APP: variants seen among roughly 807,000 people sequenced by gnomAD.
The protein encoded by APP is amyloid beta precursor protein, also known as amyloid-beta precursor protein.
Under a neutral mutation model 101.4 loss-of-function variants are expected in APP, and 31 were observed. The ratio of observed to expected loss-of-function variants is 0.31; its 90% CI spans 0.23 to 0.41. APP has a LOEUF of 0.41. Among genes scored for constraint, APP ranks in the 10% least tolerant of loss-of-function variants. The pLI is 1.00. For synonymous variants in APP, 366 were observed against 364.4 expected (o/e 1.00, Z -0.05); for missense variants, 839 against 1,003.7 (o/e 0.84, Z 2.22).
intron 5 of APP, among the ~76,000 whole-genome samples, chr21:26,034,883 G>A (rs1269970602): frequency 2.6e-5 from 4 of 152,082 alleles, no homozygotes; most frequent in African/African-American, 7.2e-5. Flanking sequence ...TCTATGGGGG[G>A]AGAGAACGAC....
intron 6 of APP, among the ~76,000 whole-genome samples, chr21:26,008,161 T>C (rs1350192670): frequency 6.6e-6 from 1 of 152,216 alleles, no homozygotes; most frequent in African/African-American, 2.4e-5. Flanking sequence ...AGCCAATACA[T>C]CTGTCATTCT....
intron 5 of APP, among the ~76,000 whole-genome samples, chr21:26,038,276 A>C (rs2045212541): frequency 6.6e-6 from 1 of 152,166 alleles, no homozygotes; most frequent in Admixed American, 6.6e-5. Context: ...AGAAGTGCTT[A>C]AGGAGCCATT....
At position 25,961,983 on chromosome 21, in the gene APP, T is replaced by C. The variant is rs972557870; in HGVS notation, c.1459-6228A>G. Among the ~76,000 whole-genome samples, 5 of 152,322 alleles carry C rather than the reference T, an allele frequency of 3.3e-5. No individual in the cohort carries two copies. The East Asian group carries it at 9.6e-4, about 29-fold the overall frequency. On this transcript the variant is annotated intron_variant, in intron 11 of 17. Transcript: ENST00000346798. The stretch of plus-strand genomic sequence containing the variant: ...ATCTTCTGTTACTAGCAATAATTTT[T>C]CTGTGTATTAATACTACAGTCTGGT...
chr21:25,896,790 C>T (rs1043677174), intron 16 of APP, among the ~76,000 whole-genome samples: 7 of 152,118 alleles, frequency 4.6e-5, no homozygotes, highest in Non-Finnish European at 2.9e-5. Context: ...TCGGGAACAT[C>T]ATGGGGTCCT....
At chr21:26,059,080 C>CAA (rs1256243482) in intron 3 of APP, among the ~76,000 whole-genome samples, 2 of 126,856 alleles carry the variant, frequency 1.6e-5, no homozygotes, top group Admixed American at 8.3e-5. Flanking sequence ...GACTCCGTCT[C>CAA]AAAAAAAAAA....
At chr21:25,935,144 C>G (rs564552005) in intron 13 of APP, 1 of 152,182 alleles carries the variant, frequency 6.6e-6, no homozygotes, top group Non-Finnish European at 1.5e-5. Flanking sequence ...TTTACTAACT[C>G]CAGAGTGACG....
chr21:25,949,527 G>C (rs2040972487), intron 13 of APP, among the ~76,000 whole-genome samples: 1 of 152,136 alleles, frequency 6.6e-6, no homozygotes. Context: ...CAGGTCTTTA[G>C]GGTTACGGAG....
At chr21:26,146,673 G>C (rs1311206948) in intron 1 of APP, among the ~76,000 whole-genome samples, 2 of 152,338 alleles carry the variant, frequency 1.3e-5, no homozygotes, top group East Asian at 1.9e-4. Context: ...GGTGAGAGCT[G>C]ATCATTGCTG....
At chr21:26,062,661 C>CAAATAAATAAAT (rs10529214) in intron 3 of APP, among the ~76,000 whole-genome samples, 43,118 of 144,970 alleles carry the variant, frequency 0.3, 6,897 homozygotes, top group Middle Eastern at 0.37. Flanking sequence ...GACTCTGTCT[C>CAAATAAATAAAT]AAATAAATAA....
intron 1 of APP, among the ~76,000 whole-genome samples, chr21:26,116,669 G>A (rs1171826504): frequency 6.6e-6 from 1 of 152,158 alleles, no homozygotes; most frequent in Non-Finnish European, 1.5e-5. Flanking sequence ...TGTTTTGCTA[G>A]CTGAGAGGTC....
In APP at chr21:26,139,103, A is replaced by C. The variant is rs45481102; in HGVS notation, c.58-26957T>G. ...GGGTGATTAGTATCTTGAACTGCAG[A>C]GGCTACAAAAAACAATGATGCAACA... On this transcript the variant is annotated intron_variant, in intron 1 of 17. Coordinates refer to ENST00000346798, the MANE Select transcript of APP (RefSeq NM_000484.4). Among the ~76,000 whole-genome samples the C allele has an allele frequency of 3.9e-5, 6 of 152,268 alleles. No individual in the cohort carries two copies. In the East Asian group the frequency reaches 9.7e-4, roughly 25 times the overall value.
At chr21:26,058,588 G>A (rs953291242) in intron 3 of APP, among the ~76,000 whole-genome samples, 1 of 152,162 alleles carries the variant, frequency 6.6e-6, no homozygotes, top group Non-Finnish European at 1.5e-5. Flanking sequence ...TAAAACCACA[G>A]TAACTTCCCA....
intron 17 of APP, among the ~76,000 whole-genome samples, chr21:25,882,991 C>A (rs1363898883): frequency 6.6e-6 from 1 of 152,032 alleles, no homozygotes; most frequent in African/African-American, 2.4e-5. Context: ...GCCCCTGAAG[C>A]CAAGGAAGAA....
At chr21:26,010,913 G>C (rs2043772868) in intron 6 of APP, among the ~76,000 whole-genome samples, 1 of 151,202 alleles carries the variant, frequency 6.6e-6, no homozygotes, top group Admixed American at 6.6e-5. Context: ...TGTAATCCCA[G>C]GTACTCGGAG....
intron 3 of APP, among the ~76,000 whole-genome samples, chr21:26,053,896 T>C (rs757100835): frequency 3.9e-5 from 6 of 152,230 alleles, no homozygotes; most frequent in Non-Finnish European, 5.9e-5. Context: ...CTGAAAACTG[T>C]CCCTCAGACT....
At chr21:26,007,290 C>T (rs957684076) in intron 6 of APP, among the ~76,000 whole-genome samples, 48 of 149,258 alleles carry the variant, frequency 3.2e-4, no homozygotes, top group African/African-American at 1.1e-3. Flanking sequence ...AAAATGAAAA[C>T]GACATAAATA....
rs149122179 is a variant in APP at position 26,135,639 on chromosome 21, G to C, written c.58-23493C>G. On this transcript the variant is annotated intron_variant, in intron 1 of 17. Transcript: ENST00000346798. ...CATTCCTAAGCAAGTACATCTGCCT[G>C]GATGGTGAGGCCTCCATCAGAGGTT... 6.4e-3 allele frequency among the ~76,000 whole-genome samples: 972 copies of C among 152,230 alleles called. 5 individuals are homozygous for C. The highest frequency in any genetic ancestry group is 1.0e-2 in the Non-Finnish European group (679 of 68,022).
chr21:26,082,973 A>G (rs1305293944), intron 3 of APP, among the ~76,000 whole-genome samples: 1 of 152,256 alleles, frequency 6.6e-6, no homozygotes, highest in African/African-American at 2.4e-5. Context: ...AAATAGATTT[A>G]AATAGTAATT....
chr21:25,906,885 G>A (rs988217201), intron 14 of APP, among the ~76,000 whole-genome samples: 1 of 152,186 alleles, frequency 6.6e-6, no homozygotes, highest in African/African-American at 2.4e-5. Flanking sequence ...TACGTTATTA[G>A]AAAATGTATA....
Sources: allele counts gnomAD v4.1 joint callset (sites outside exome capture counted in the v4.1 genomes callset), GRCh38; gene constraint gnomAD v4.1.1; transcripts MANE v1.5; gene names NCBI Gene and HGNC (gene_info 2026-07-23, HGNC 2026-07-21).